Variants in KALRN observed in about 807,000 individuals in gnomAD.
KALRN encodes the protein kalirin.
Under a neutral mutation model 353.7 loss-of-function variants are expected in KALRN, and 70 were observed. That is an observed-to-expected ratio of 0.20 (90% CI 0.16 to 0.24). KALRN has a LOEUF of 0.24. Ranked by LOEUF, KALRN falls within the 10% of genes least tolerant of loss-of-function variation. The probability of loss-of-function intolerance (pLI) is 1.00; values close to 1 mark genes in which losing one functional copy is unlikely to be tolerated. For missense variants in KALRN, 2,791 were observed against 3,756.7 expected (o/e 0.74, Z 6.72); for synonymous variants, 1,391 against 1,434.8 (o/e 0.97, Z 0.69).
At chr3:124,039,320 A>G (rs2039725030) in intron 1 of KALRN, among the ~76,000 whole-genome samples, 1 of 151,964 alleles carries the variant, frequency 6.6e-6, no homozygotes, top group African/African-American at 2.4e-5. Flanking sequence ...TGAATTACTC[A>G]CTGTCTGTAC....
Position 124,477,290 on chromosome 3 carries a change from G to C in KALRN, c.4147G>C (p.Asp1383His). ...MYVTYCKNKP[D>H]SNQLILEHAG... ...TGTCACCTACTGTAAAAACAAGCCT[G>C]ATTCCAACCAGCTTATCCTGGAGCA... is the stretch of plus-strand genomic sequence containing the variant. The change falls in exon 27 of 60, where the codon GAT becomes CAT. Residue 1383 changes from aspartate to histidine, a missense_variant. Asp to His is a moderately conservative substitution (Grantham distance 81). Around this residue, in one of 11 missense-constraint regions of KALRN, gnomAD observed 54 missense variants for 131.7 expected, o/e 0.41. Coordinates refer to ENST00000682506, the MANE Select transcript of KALRN (RefSeq NM_001388419.1). The C allele has an allele frequency of 6.2e-7, 1 of 1,614,022 alleles. No homozygotes were observed. The highest frequency in any genetic ancestry group is 8.5e-7 in the Non-Finnish European group (1 of 1,179,878).
At chr3:124,432,419 CA>C in intron 16 of KALRN, among the ~76,000 whole-genome samples, 1 of 151,952 alleles carries the variant, frequency 6.6e-6, no homozygotes, top group East Asian at 1.9e-4. Context: ...GTCTCAAAAA[CA>C]AAAAAAGAAT....
At chr3:124,332,614 A>G (rs140882983) in intron 8 of KALRN, among the ~76,000 whole-genome samples, 2 of 152,160 alleles carry the variant, frequency 1.3e-5, no homozygotes, top group African/African-American at 2.4e-5. Context: ...TTCCAGAATT[A>G]TTGATGCCCG....
At chr3:124,438,809 G>A (rs2150556081) in intron 17 of KALRN, 79 bp from the exon 18 acceptor site, 2 of 1,280,260 alleles carry the variant, frequency 1.6e-6, no homozygotes, top group South Asian at 3.0e-5. Context: ...ATATGTGTAG[G>A]CTTCTATAGG....
At chr3:124,278,305 TA>T (rs2074983072) in intron 5 of KALRN, among the ~76,000 whole-genome samples, 1 of 151,790 alleles carries the variant, frequency 6.6e-6, no homozygotes, top group South Asian at 2.1e-4. Context: ...CTGGGTGGGG[TA>T]GGGCTGGTGG....
At chr3:124,074,665 G>A (rs373702981) in intron 1 of KALRN, among the ~76,000 whole-genome samples, 11 of 152,082 alleles carry the variant, frequency 7.2e-5, no homozygotes, top group Admixed American at 2.0e-4. Context: ...CTTGATCAGC[G>A]TTTCTTTCTC....
At chr3:124,246,478 G>A (rs958845195) in intron 3 of KALRN, among the ~76,000 whole-genome samples, 1 of 152,094 alleles carries the variant, frequency 6.6e-6, no homozygotes, top group Non-Finnish European at 1.5e-5. Context: ...TTTGCCCTTG[G>A]TGATTCTTTA....
chr3:124,491,626 A>G, intron 31 of KALRN: 2 of 415,398 alleles, frequency 4.8e-6, no homozygotes, highest in Admixed American at 4.3e-5. Flanking sequence ...GGTCTCCTCA[A>G]GTGCATGCAC....
chr3:124,222,943 G>C (rs1489259079), intron 1 of KALRN, among the ~76,000 whole-genome samples: 1 of 151,978 alleles, frequency 6.6e-6, no homozygotes, highest in Non-Finnish European at 1.5e-5. Flanking sequence ...CTCTGACTCT[G>C]TAAGTCTAGG....
intron 34 of KALRN, among the ~76,000 whole-genome samples, chr3:124,579,269 C>G (rs746872485): frequency 6.6e-5 from 10 of 152,096 alleles, no homozygotes; most frequent in Non-Finnish European, 1.2e-4. Flanking sequence ...CAGGCTGATA[C>G]CAGAAATTCT....
chr3:124,083,048 G>A (rs1362204363), intron 1 of KALRN, among the ~76,000 whole-genome samples: 2 of 152,234 alleles, frequency 1.3e-5, no homozygotes, highest in African/African-American at 4.8e-5. Context: ...TGCTAGAAGG[G>A]AGAAACTCTG....
At chr3:124,267,446 G>A (rs2073694967) in intron 4 of KALRN, among the ~76,000 whole-genome samples, 1 of 152,210 alleles carries the variant, frequency 6.6e-6, no homozygotes, top group East Asian at 1.9e-4. Flanking sequence ...TAGCAAGGAT[G>A]GAGATTAGCA....
chr3:124,456,746 C>T lies in KALRN; in HGVS notation c.3854+18C>T. The T allele has an allele frequency of 6.3e-7, 1 of 1,574,814 alleles. No homozygotes were observed. The highest frequency in any genetic ancestry group is 8.7e-7 in the Non-Finnish European group (1 of 1,146,766). ...AAGAAAGAGTACGTGTTGGCTTCCG[C>T]CCAGCTAGCTGGCTCCCCGTGACTA... On this transcript the variant is annotated intron_variant, in intron 23 of 59. Transcript: ENST00000682506.
rs145661318 is a variant in KALRN, at chr3:124,254,849, G to A, written c.264-9649G>A. Among the ~76,000 whole-genome samples, 701 of 152,240 alleles carry A rather than the reference G, an allele frequency of 4.6e-3. 5 individuals carry two copies. Among genetic ancestry groups the A allele is most frequent in the African/African-American group, 0.016 (677 of 41,538 alleles). ...TTCCTTACCAAAGTTCATGATTTCT[G>A]CTTCCTCCCCTGGCTGCAGTGGAGG... On this transcript the variant is annotated intron_variant, in intron 3 of 59. Coordinates refer to ENST00000682506, the MANE Select transcript of KALRN (RefSeq NM_001388419.1).
chr3:124,575,758 A>G (rs759747520), intron 34 of KALRN, among the ~76,000 whole-genome samples: 47 of 152,238 alleles, frequency 3.1e-4, no homozygotes, highest in African/African-American at 9.6e-4. Context: ...TTCCATGGTA[A>G]TGTTTCCCCT....
intron 37 of KALRN, among the ~76,000 whole-genome samples, chr3:124,644,991 G>GT (rs1578608858): frequency 6.6e-6 from 1 of 152,176 alleles, no homozygotes; most frequent in Non-Finnish European, 1.5e-5. Flanking sequence ...AGGATCTGTT[G>GT]TTTCCTGACT....
intron 38 of KALRN, among the ~76,000 whole-genome samples, 163 bp from the exon 39 acceptor site, chr3:124,655,438 C>A (rs1357710524): frequency 2.6e-5 from 4 of 152,186 alleles, no homozygotes; most frequent in Admixed American, 2.6e-4. Flanking sequence ...AGTAGGGCCT[C>A]CTCTAGGGAA....
intron 1 of KALRN, among the ~76,000 whole-genome samples, chr3:124,193,732 T>C (rs531473841): frequency 8.2e-4 from 125 of 152,260 alleles, no homozygotes; most frequent in African/African-American, 3.0e-3. Flanking sequence ...TAACCTTTGG[T>C]ATATGCCCTC....
intron 16 of KALRN, among the ~76,000 whole-genome samples, chr3:124,433,227 T>TA (rs1193987774): frequency 2.0e-5 from 3 of 150,268 alleles, no homozygotes; most frequent in Non-Finnish European, 3.0e-5. Context: ...TCAGGGAAAA[T>TA]AAAAAAGTTA....
Sources: allele counts gnomAD v4.1 joint callset (sites outside exome capture counted in the v4.1 genomes callset), GRCh38; gene constraint gnomAD v4.1.1; regional missense constraint gnomAD v4.1.1; transcripts MANE v1.5; gene names NCBI Gene and HGNC (gene_info 2026-07-23, HGNC 2026-07-21).